The following ELAVL4 variants were observed in gnomAD, a reference collection of about 807,000 sequenced individuals.
ELAVL4 encodes the protein ELAV-like protein 4.
ELAVL4 carries 1 observed loss-of-function variant against 35.6 expected under a neutral mutation model. The ratio of observed to expected loss-of-function variants is 0.03; its 90% CI spans 0.01 to 0.13. The LOEUF (loss-of-function observed/expected upper bound fraction) is 0.13, where lower values mean the gene tolerates loss of function less well. Among genes scored for constraint, ELAVL4 ranks in the 10% least tolerant of loss-of-function variants. ELAVL4 has a pLI of 1.00. For synonymous variants in ELAVL4, 156 were observed against 171.0 expected, an observed-to-expected ratio of 0.91 and a Z score of 0.69; for missense variants, 267 against 464.9, an observed-to-expected ratio of 0.57 and a Z score of 3.91.
chr1:50,126,396 A>G (rs560500341), intron 1 of ELAVL4, among the ~76,000 whole-genome samples: 52 of 152,218 alleles, frequency 3.4e-4, no homozygotes, highest in African/African-American at 1.2e-3. Flanking sequence ...CCTGAGTCCA[A>G]TTCTTTCTAG....
chr1:50,144,198 C>A (rs981209359), intron 1 of ELAVL4, among the ~76,000 whole-genome samples: 1 of 152,090 alleles, frequency 6.6e-6, no homozygotes, highest in Non-Finnish European at 1.5e-5. Flanking sequence ...AGCCAGAAAT[C>A]TTTGTTTAAT....
upstream of ELAVL4, among the ~76,000 whole-genome samples, chr1:50,099,976 A>C (rs986925407): frequency 2.6e-5 from 4 of 152,338 alleles, no homozygotes; most frequent in Non-Finnish European, 4.4e-5. Flanking sequence ...TTAGTTTTTG[A>C]GTATAGAGTA....
intron 6 of ELAVL4, among the ~76,000 whole-genome samples, chr1:50,197,757 C>T (rs930373556): frequency 6.6e-6 from 1 of 152,216 alleles, no homozygotes; most frequent in African/African-American, 2.4e-5. Flanking sequence ...CTTTGAATGG[C>T]TCCCCTAAGG....
intron 2 of ELAVL4, among the ~76,000 whole-genome samples, chr1:50,173,071 G>C (rs935746337): frequency 6.6e-6 from 1 of 152,066 alleles, no homozygotes; most frequent in African/African-American, 2.4e-5. Flanking sequence ...TATGCTTTCA[G>C]TAATGGAGGA....
chr1:50,200,517 G>A (rs61784200), intron 6 of ELAVL4, among the ~76,000 whole-genome samples: 6,074 of 151,970 alleles, frequency 0.04, 178 homozygotes, highest in African/African-American at 0.082. Flanking sequence ...GGGTGGAGTC[G>A]GGGTGGGGTG....
At chr1:50,100,418 TC>T (rs1420388872), upstream of ELAVL4, among the ~76,000 whole-genome samples, 2 of 152,172 alleles carry the variant, frequency 1.3e-5, no homozygotes, top group Non-Finnish European at 2.9e-5. Flanking sequence ...GCGATGGCTG[TC>T]AGTATTTCTT....
intron 1 of ELAVL4, among the ~76,000 whole-genome samples, chr1:50,097,353 T>TTCA (rs1665762200): frequency 6.6e-6 from 1 of 152,230 alleles, no homozygotes; most frequent in African/African-American, 2.4e-5. Context: ...CCAGCATTAT[T>TTCA]ACAGTGTAAA....
At chr1:50,138,290 T>A (rs748063690) in intron 1 of ELAVL4, among the ~76,000 whole-genome samples, 15 of 152,170 alleles carry the variant, frequency 9.9e-5, no homozygotes, top group Non-Finnish European at 1.8e-4. Flanking sequence ...ATTTGGGAAC[T>A]TTCAATCTGG....
chr1:50,060,980 C>T (rs1260098998), intron 1 of ELAVL4, among the ~76,000 whole-genome samples: 1 of 152,164 alleles, frequency 6.6e-6, no homozygotes, highest in East Asian at 1.9e-4. Context: ...CAGAGTATCT[C>T]TATACATTTA....
intron 3 of ELAVL4, among the ~76,000 whole-genome samples, chr1:50,184,877 T>A (rs1681593016): frequency 6.6e-6 from 1 of 152,204 alleles, no homozygotes. Flanking sequence ...TAATTTTGTG[T>A]TATTTCTGAT....
intron 1 of ELAVL4, among the ~76,000 whole-genome samples, chr1:50,091,838 C>T (rs1665509728): frequency 6.6e-6 from 1 of 152,138 alleles, no homozygotes; most frequent in Admixed American, 6.6e-5. Context: ...ATGTTTTATC[C>T]CCATTTAATA....
At chr1:50,148,733 A>G (rs772874438) in intron 2 of ELAVL4, among the ~76,000 whole-genome samples, 1 of 152,210 alleles carries the variant, frequency 6.6e-6, no homozygotes, top group Non-Finnish European at 1.5e-5. Context: ...GTGTCATGTG[A>G]CCCACAGAGT....
At chr1:50,158,139 T>C (rs999586654) in intron 2 of ELAVL4, among the ~76,000 whole-genome samples, 7 of 152,330 alleles carry the variant, frequency 4.6e-5, no homozygotes, top group Non-Finnish European at 1.0e-4. Flanking sequence ...TGAACATTAA[T>C]TTATGTAAAC....
Position 50,201,088 on chromosome 1 carries a change from G to A in ELAVL4, c.1011G>A (p.Ala337=), listed in dbSNP as rs889483319. The part of the protein sequence containing the change: ...GFVTMTNYDE[A]AMAIASLNGY... Reference sequence around the variant, plus strand: ...TCACCATGACCAACTATGATGAGGCGGCCATGGCCATCGCCAGCCTCAACG... The same window carrying A: ...TCACCATGACCAACTATGATGAGGCAGCCATGGCCATCGCCAGCCTCAACG... Residue 337 remains alanine (A), a synonymous_variant, in exon 7 of 7, where the codon GCG becomes GCA. Coordinates refer to ENST00000371824, the MANE Select transcript of ELAVL4 (RefSeq NM_001144774.3). The surrounding 1 kb of genome is among the most constrained non-coding windows in gnomAD (Gnocchi z 4.3). The A allele has an allele frequency of 1.4e-5, 22 of 1,613,908 alleles. No individual in the cohort carries two copies. The highest frequency in any genetic ancestry group is 6.7e-5 in the East Asian group (3 of 44,888).
chr1:50,152,196 C>T (rs1046562966), intron 2 of ELAVL4, among the ~76,000 whole-genome samples: 1 of 152,140 alleles, frequency 6.6e-6, no homozygotes, highest in African/African-American at 2.4e-5. Flanking sequence ...TGTTCCCCTT[C>T]ATCTTACCTT....
At chr1:50,170,484 C>T (rs1678804025) in intron 2 of ELAVL4, among the ~76,000 whole-genome samples, 1 of 152,188 alleles carries the variant, frequency 6.6e-6, no homozygotes, top group African/African-American at 2.4e-5. Flanking sequence ...GCCAGAGTCA[C>T]ACAGCAGTAA....
intron 1 of ELAVL4, among the ~76,000 whole-genome samples, chr1:50,116,182 C>T (rs1482082889): frequency 6.6e-6 from 1 of 152,092 alleles, no homozygotes; most frequent in African/African-American, 2.4e-5. Flanking sequence ...TTTCAGTCAG[C>T]AGCCCATGAA....
chr1:50,091,769 T>G (rs563879636), intron 1 of ELAVL4, among the ~76,000 whole-genome samples: 31 of 152,198 alleles, frequency 2.0e-4, no homozygotes, highest in Non-Finnish European at 3.8e-4. Flanking sequence ...TCTAAGCACT[T>G]TCACTTCTAT....
At chr1:50,162,795 G>A (rs768438779) in intron 2 of ELAVL4, among the ~76,000 whole-genome samples, 6 of 152,126 alleles carry the variant, frequency 3.9e-5, no homozygotes, top group Non-Finnish European at 8.8e-5. Flanking sequence ...TGTTGGTCAG[G>A]CTGGTCTCAA....
Sources: allele counts gnomAD v4.1 joint callset (sites outside exome capture counted in the v4.1 genomes callset), GRCh38; gene constraint gnomAD v4.1.1; non-coding constraint Gnocchi (gnomAD v3.1); transcripts MANE v1.5; gene names NCBI Gene and HGNC (gene_info 2026-07-23, HGNC 2026-07-21).